Variants in MYO5A observed in about 807,000 individuals in gnomAD.
MYO5A encodes the protein myosin VA.
Under a neutral mutation model 249.7 loss-of-function variants are expected in MYO5A, and 98 were observed. The observed-to-expected ratio is 0.39, with a 90% confidence interval of 0.33 to 0.46. The LOEUF is 0.46. Among genes scored for constraint, MYO5A ranks in the 20% least tolerant of loss-of-function variants. MYO5A has a pLI of 0.98. For missense variants in MYO5A, 1,696 were observed against 2,308.8 expected (o/e 0.73, Z 5.44); for synonymous variants, 778 against 810.6 (o/e 0.96, Z 0.68).
intron 1 of MYO5A, among the ~76,000 whole-genome samples, chr15:52,487,246 T>A (rs1407741928): frequency 1.3e-5 from 2 of 151,700 alleles, no homozygotes; most frequent in African/African-American, 4.8e-5. Flanking sequence ...GGAAACCTTG[T>A]TTCTACAAAA....
chr15:52,336,685 CCA>C (rs2039137419), intron 33 of MYO5A, 129 bp from the exon 34 acceptor site: 1 of 715,946 alleles, frequency 1.4e-6, no homozygotes, highest in African/African-American at 1.8e-5. Flanking sequence ...GGTGGAGCCA[CCA>C]CCTGGCTAAA....
chr15:52,483,560 G>A (rs904416147), intron 1 of MYO5A, among the ~76,000 whole-genome samples: 1 of 152,044 alleles, frequency 6.6e-6, no homozygotes, highest in African/African-American at 2.4e-5. Context: ...ATGGGTGCAA[G>A]GACACGCCTA....
intron 12 of MYO5A, 102 bp from the exon 13 acceptor site, chr15:52,389,465 A>C: frequency 8.7e-7 from 1 of 1,153,632 alleles, no homozygotes; most frequent in Non-Finnish European, 1.2e-6. Context: ...TTTTGGCTTT[A>C]ACTAATAACT....
intron 9 of MYO5A, among the ~76,000 whole-genome samples, chr15:52,399,514 G>A (rs2141194407): frequency 6.6e-6 from 1 of 152,230 alleles, no homozygotes; most frequent in Non-Finnish European, 1.5e-5. Flanking sequence ...TGGCCTCAAA[G>A]TCTATTTTGT....
rs193235340 is a variant in MYO5A, at chr15:52,356,182, A to C, written c.3424-2168T>G. Among the ~76,000 whole-genome samples the C allele has an allele frequency of 2.1e-3, 314 of 152,326 alleles. 2 individuals carry two copies. The highest frequency in any genetic ancestry group is 6.7e-3 in the African/African-American group (279 of 41,586). ...GCTGGAGGAGCAAGAGAATGGCAAC[A>C]ATCATTTATTTAACTAAATGGTCAA... On this transcript the variant is annotated intron_variant, in intron 25 of 41. Coordinates refer to ENST00000399233, the MANE Select transcript of MYO5A (RefSeq NM_001382347.1).
At chr15:52,382,210 C>T (rs1567072246) in intron 16 of MYO5A, among the ~76,000 whole-genome samples, 1 of 152,186 alleles carries the variant, frequency 6.6e-6, no homozygotes, top group Non-Finnish European at 1.5e-5. Context: ...CTGACGGATG[C>T]TTTTTCATTT....
At chr15:52,445,404 T>G (rs2075867336) in intron 1 of MYO5A, among the ~76,000 whole-genome samples, 1 of 152,128 alleles carries the variant, frequency 6.6e-6, no homozygotes, top group African/African-American at 2.4e-5. Context: ...GTAAGCCAAT[T>G]AAACCCCTTT....
At chr15:52,397,083 AG>A in intron 10 of MYO5A, 117 bp downstream of exon 10, 1 of 1,246,076 alleles carries the variant, frequency 8.0e-7, no homozygotes, top group Non-Finnish European at 1.1e-6. Context: ...GAATTGTCAT[AG>A]GCAAAGTTTC....
chr15:52,476,201 TAGGA>T (rs2076588372), intron 1 of MYO5A, among the ~76,000 whole-genome samples: 2 of 152,218 alleles, frequency 1.3e-5, no homozygotes, highest in African/African-American at 2.4e-5. Context: ...TATCAGAGAC[TAGGA>T]TTGCAACCCC....
Position 52,313,789 on chromosome 15 carries a change from A to G in MYO5A, c.5550T>C (p.Phe1850=). 6.2e-7 allele frequency: 1 copy of G among 1,614,156 alleles called. No homozygotes were observed. Among genetic ancestry groups the G allele is most frequent in the Non-Finnish European group, 8.5e-7 (1 of 1,180,010 alleles). ...ATGGGTTGAAAGGAAAGGTGACAGG[A>G]AAGATGTGTTTAGCATCCATGAGCA... The part of the protein sequence containing the change: ...PQLLMDAKHI[F]PVTFPFNPSS... The change falls in exon 42 of 42, where the codon TTT becomes TTC. Residue 1850 remains phenylalanine, a synonymous_variant. Coordinates refer to ENST00000399233, the MANE Select transcript of MYO5A (RefSeq NM_001382347.1).
rs1364837033 is a variant in MYO5A at position 52,308,513 on chromosome 15, C to A, written c.*5183G>T. ...AAGACATTTAAGTATTACCAAGAAT[C>A]TAACTTATCTCCATAATTTCTTTCA... On this transcript the variant is annotated 3_prime_UTR_variant, in exon 42 of 42. Coordinates refer to ENST00000399233, the MANE Select transcript of MYO5A (RefSeq NM_001382347.1). 6.6e-6 allele frequency: 1 copy of A among 152,190 alleles called. No individual in the cohort carries two copies. Among genetic ancestry groups the A allele is most frequent in the Non-Finnish European group, 1.5e-5 (1 of 68,044 alleles). 9.4% of individuals were successfully genotyped at this position (152,190 alleles called of 1,614,324 possible). A position where few individuals can be genotyped will look rare whatever the true frequency, so the allele number is the denominator to read the frequency against.
At chr15:52,400,234 T>C (rs1296411871) in intron 9 of MYO5A, among the ~76,000 whole-genome samples, 2 of 152,236 alleles carry the variant, frequency 1.3e-5, no homozygotes, top group Non-Finnish European at 2.9e-5. Flanking sequence ...TGTTTTATAA[T>C]TAACATAATG....
At chr15:52,448,023 T>C (rs1295527355) in intron 1 of MYO5A, among the ~76,000 whole-genome samples, 1 of 152,200 alleles carries the variant, frequency 6.6e-6, no homozygotes, top group African/African-American at 2.4e-5. Flanking sequence ...CACTGCCTAG[T>C]GGAGCTGTGA....
Position 52,312,026 on chromosome 15 carries a change from T to C in MYO5A, c.*1670A>G, listed in dbSNP as rs2037791076. 1.3e-5 allele frequency: 2 copies of C among 152,584 alleles called. No individual in the cohort carries two copies. The highest frequency in any genetic ancestry group is 6.5e-5 in the Admixed American group (1 of 15,274). The allele number at this position is 152,584 out of a possible 1,614,324, so 9.5% of individuals were successfully genotyped here. A position where few individuals can be genotyped will look rare whatever the true frequency, so the allele number is the denominator to read the frequency against. On this transcript the variant is annotated 3_prime_UTR_variant, in exon 42 of 42. Coordinates refer to ENST00000399233, the MANE Select transcript of MYO5A (RefSeq NM_001382347.1). ...TCTAATGAAAACTAATAATTTGCTT[T>C]TGTGCAACCTGAAGGATTTATTGTA...
chr15:52,351,283 C>A lies in MYO5A; in HGVS notation c.3820G>T (p.Val1274Leu). 3.1e-6 allele frequency: 5 copies of A among 1,614,158 alleles called. No homozygotes were observed. Among genetic ancestry groups the A allele is most frequent in the Non-Finnish European group, 4.2e-6 (5 of 1,180,024 alleles). Residue 1274 changes from valine to leucine, a missense_variant, in exon 28 of 42, where the codon GTG becomes TTG. By Grantham distance (32) the Val-to-Leu change is conservative. This residue lies in a region of MYO5A where 625 missense variants were observed against 908.1 expected (regional missense o/e 0.69). Transcript: ENST00000399233. ...EEVLILRSQL[V>L]SQKEAIQPKD... ...GGTTGGATGGCCTCTTTCTGGCTCA[C>A]CAGTTGAGACCTTAAGATGAGGACT...
chr15:52,510,091 C>A (rs1263481655), intron 1 of MYO5A, among the ~76,000 whole-genome samples: 1 of 133,550 alleles, frequency 7.5e-6, no homozygotes, highest in Admixed American at 8.1e-5. Flanking sequence ...AGGAATTAAG[C>A]GGACTAAAAT....
Position 52,528,722 on chromosome 15 carries a change from A to G in MYO5A, c.27+58T>C, listed in dbSNP as rs368285169. 850 of 1,481,048 alleles carry G rather than the reference A, an allele frequency of 5.7e-4. 9 individuals carry two copies. In the East Asian group the frequency reaches 0.013, roughly 22 times the overall value. 91.7% of individuals were successfully genotyped at this position (1,481,048 alleles called of 1,614,324 possible). On this transcript the variant is annotated intron_variant, in intron 1 of 41. Coordinates refer to ENST00000399233, the MANE Select transcript of MYO5A (RefSeq NM_001382347.1). ...GCTCCCGCCCCCTCCCCAGCCTGAC[A>G]GCTGGCGGCGAGGGCCGCACAGCCC...
At chr15:52,366,629 C>CAAA (rs60631867) in intron 23 of MYO5A, among the ~76,000 whole-genome samples, 143 of 74,466 alleles carry the variant, frequency 1.9e-3, no homozygotes, top group Non-Finnish European at 2.8e-3. Context: ...ATTGATTTAG[C>CAAA]AAAAAAAAAA....
At position 52,312,818 on chromosome 15, in the gene MYO5A, T is replaced by C. The variant is rs2037826622; in HGVS notation, c.*878A>G. On this transcript the variant is annotated 3_prime_UTR_variant, in exon 42 of 42. Coordinates refer to ENST00000399233, the MANE Select transcript of MYO5A (RefSeq NM_001382347.1). ...AAAATTAATGAGCACATCAATGTAA[T>C]ACATCCTGAATAAATAATGACATCA... 6.6e-6 allele frequency: 1 copy of C among 152,242 alleles called. No individual in the cohort carries two copies. Among genetic ancestry groups the C allele is most frequent in the Admixed American group, 6.5e-5 (1 of 15,294 alleles). The allele number at this position is 152,242 out of a possible 1,614,324, so 9.4% of individuals were successfully genotyped here.
Sources: gnomAD v4.1 joint callset for allele counts (sites outside exome capture counted in the v4.1 genomes callset) on GRCh38, gnomAD v4.1.1 for gene constraint, gnomAD v4.1.1 regional missense constraint, MANE v1.5 for transcripts, NCBI Gene and HGNC (gene_info 2026-07-23, HGNC 2026-07-21) for gene names.